Variants in PCDHGA6 observed in about 807,000 individuals in gnomAD.
The protein encoded by PCDHGA6 is protocadherin gamma subfamily A, 6.
A neutral mutation model predicts 60.6 loss-of-function variants in PCDHGA6; 41 were observed. That is an observed-to-expected ratio of 0.68 (90% CI 0.53 to 0.88). The LOEUF (loss-of-function observed/expected upper bound fraction) is 0.88, where lower values mean the gene tolerates loss of function less well. Ranked by LOEUF, PCDHGA6 falls within the 40% of genes least tolerant of loss-of-function variation. The pLI is 0.00. For missense variants in PCDHGA6, 1,312 were observed against 1,203.0 expected (o/e 1.09, Z -1.34); for synonymous variants, 594 against 524.4 (o/e 1.13, Z -1.81).
chr5:141,432,949 CG>C lies in PCDHGA6; in HGVS notation c.2424+56444del, dbSNP rs930064840. 6.2e-7 allele frequency: 1 copy of C among 1,614,066 alleles called. No individual in the cohort carries two copies. Among genetic ancestry groups the C allele is most frequent in the African/African-American group, 1.3e-5 (1 of 74,930 alleles). ...CACGCCTGCTGCAGGCTTCAGGAGG[CG>C]GCTTGACAGGAGCGCCGGCGTCGCA... On this transcript the variant is annotated intron_variant, in intron 1 of 3. Transcript: ENST00000517434. This position sits in a 1 kb window ranked among gnomAD's most constrained non-coding sequence, Gnocchi z 6.0.
rs144695545 is a variant in PCDHGA6, at chr5:141,487,156, C to G, written c.2425-7651C>G. ...CACCACTCTCTACCTCTGTTACTCT[C>G]TTAGTGTCCTTAGAGGAAGACACTC... On this transcript the variant is annotated intron_variant, in intron 1 of 3. Transcript: ENST00000517434. This position sits in a 1 kb window ranked among gnomAD's most constrained non-coding sequence, Gnocchi z 5.0. 105 of 1,613,896 alleles carry G rather than the reference C, an allele frequency of 6.5e-5. No homozygotes were observed. In the African/African-American group the frequency reaches 1.2e-3, roughly 18 times the overall value.
At chr5:141,444,621 G>A (rs1265458898) in intron 1 of PCDHGA6, among the ~76,000 whole-genome samples, 1 of 152,132 alleles carries the variant, frequency 6.6e-6, no homozygotes, top group Non-Finnish European at 1.5e-5. Flanking sequence ...CATGTGGCAT[G>A]ATGCACCAGT....
At chr5:141,404,672 G>T in intron 1 of PCDHGA6, 1 of 1,614,156 alleles carries the variant, frequency 6.2e-7, no homozygotes, top group Non-Finnish European at 8.5e-7. Flanking sequence ...TGGTTCTACT[G>T]GTGTGGAGCT....
intron 1 of PCDHGA6, among the ~76,000 whole-genome samples, chr5:141,481,789 T>TAAAAATAC (rs972511310): frequency 3.3e-5 from 5 of 151,186 alleles, no homozygotes; most frequent in African/African-American, 1.2e-4. Flanking sequence ...CCGTCTCTAC[T>TAAAAATAC]AAAAATACAA....
At chr5:141,421,843 G>C (rs769652818) in intron 1 of PCDHGA6, 1 of 1,613,798 alleles carries the variant, frequency 6.2e-7, no homozygotes, top group Non-Finnish European at 8.5e-7. Context: ...CCGAGAGAAA[G>C]AGGCTGCTCA....
intron 1 of PCDHGA6, among the ~76,000 whole-genome samples, chr5:141,406,328 C>T (rs1235799294): frequency 1.3e-5 from 2 of 152,062 alleles, no homozygotes; most frequent in Non-Finnish European, 2.9e-5. Context: ...ATTCTTACTC[C>T]TACGATCATT....
intron 3 of PCDHGA6, among the ~76,000 whole-genome samples, chr5:141,509,693 G>A (rs72790076): frequency 0.024 from 3,613 of 152,246 alleles, 55 homozygotes; most frequent in East Asian, 0.046. Flanking sequence ...ACAGTGGGAC[G>A]TTGGACTGGA....
rs1414722237 is a variant in PCDHGA6 at position 141,432,748 on chromosome 5, C to T, written c.2424+56241C>T. On this transcript the variant is annotated intron_variant, in intron 1 of 3. Coordinates refer to ENST00000517434, the MANE Select transcript of PCDHGA6 (RefSeq NM_018919.3). The surrounding 1 kb of genome is among the most constrained non-coding windows in gnomAD (Gnocchi z 6.0). ...CCGCCACTGTCACGCTCACCGTGGC[C>T]GTGGCCGACAGCATCCCCCAAGTCC... 1 of 1,614,120 alleles carries T rather than the reference C, an allele frequency of 6.2e-7. No homozygotes were observed. The highest frequency in any genetic ancestry group is 8.5e-7 in the Non-Finnish European group (1 of 1,179,980).
At chr5:141,463,796 G>T (rs139760353) in intron 1 of PCDHGA6, among the ~76,000 whole-genome samples, 3 of 152,114 alleles carry the variant, frequency 2.0e-5, no homozygotes, top group Non-Finnish European at 2.9e-5. Flanking sequence ...TTGAACAAAT[G>T]TCTAAAAGCT....
At chr5:141,408,428 A>C (rs1397543407) in intron 1 of PCDHGA6, 1 of 1,614,076 alleles carries the variant, frequency 6.2e-7, no homozygotes, top group South Asian at 1.1e-5. Flanking sequence ...GCTGCACTTC[A>C]GCGTAGACGC....
In PCDHGA6 at chr5:141,375,887, G is replaced by T. The variant is rs1290311886; in HGVS notation, c.1804G>T (p.Ala602Ser). ...VAVDRDSGQN[A>S]WLSYRLLKAS... ...GGTGGACAGAGACTCGGGCCAGAACGCCTGGCTGTCCTACCGCCTGCTCAA... is the reference window on the plus strand; with the variant it reads ...GGTGGACAGAGACTCGGGCCAGAACTCCTGGCTGTCCTACCGCCTGCTCAA... The change falls in exon 1 of 4, where the codon GCC (alanine) becomes TCC (serine). Residue 602 changes from alanine to serine, a missense_variant. Coordinates refer to ENST00000517434, the MANE Select transcript of PCDHGA6 (RefSeq NM_018919.3). 4 of 1,613,656 alleles carry T rather than the reference G, an allele frequency of 2.5e-6. No homozygotes were observed. Among genetic ancestry groups the T allele is most frequent in the South Asian group, 1.1e-5 (1 of 91,074 alleles).
Position 141,489,407 on chromosome 5 carries a change from T to C in PCDHGA6, c.2425-5400T>C. On this transcript the variant is annotated intron_variant, in intron 1 of 3. Transcript: ENST00000517434. This position sits in a 1 kb window ranked among gnomAD's most constrained non-coding sequence, Gnocchi z 4.5. ...GTTGCTCAGGATCTGGGCTTAAAGA[T>C]GACAGATCTGTTGAGCCGGCGGCTG... 6.2e-7 allele frequency: 1 copy of C among 1,614,140 alleles called. No individual in the cohort carries two copies.
At chr5:141,430,661 G>A in intron 1 of PCDHGA6, 1 of 1,159,744 alleles carries the variant, frequency 8.6e-7, no homozygotes, top group South Asian at 2.1e-5. Context: ...CAACGGAGGA[G>A]CTCTGACTTC....
chr5:141,377,672 C>G (rs529772336), intron 1 of PCDHGA6: 1 of 151,784 alleles, frequency 6.6e-6, no homozygotes, highest in East Asian at 1.9e-4. Context: ...GACGTTCATA[C>G]AAGAGATCTT....
intron 1 of PCDHGA6, among the ~76,000 whole-genome samples, chr5:141,401,895 TC>T (rs2094205697): frequency 6.6e-6 from 1 of 152,224 alleles, no homozygotes; most frequent in Non-Finnish European, 1.5e-5. Context: ...GTGTTCTTTT[TC>T]CCAAATTATT....
chr5:141,506,180 G>T (rs548366782), intron 3 of PCDHGA6, among the ~76,000 whole-genome samples: 44 of 152,294 alleles, frequency 2.9e-4, no homozygotes, highest in Non-Finnish European at 5.7e-4. Context: ...GCTGGGCGTG[G>T]TGGCTCACGC....
At position 141,476,002 on chromosome 5, in the gene PCDHGA6, C is replaced by A; in HGVS notation, c.2425-18805C>A. 1 of 1,247,396 alleles carries A rather than the reference C, an allele frequency of 8.0e-7. No individual in the cohort carries two copies. Among genetic ancestry groups the A allele is most frequent in the Non-Finnish European group, 1.1e-6 (1 of 904,880 alleles). 77.3% of individuals were successfully genotyped at this position (1,247,396 alleles called of 1,614,324 possible). ...AGCCGGCGAGCAAATCAACGGCATC[C>A]AGAAAGCCATGTCGGACTCGGCGCC... On this transcript the variant is annotated intron_variant, in intron 1 of 3. Transcript: ENST00000517434. This position sits in a 1 kb window ranked among gnomAD's most constrained non-coding sequence, Gnocchi z 7.6.
rs1772740075 is a variant in PCDHGA6, at chr5:141,376,485, A to G, written c.2402A>G (p.Lys801Arg). 6.2e-7 allele frequency: 1 copy of G among 1,614,056 alleles called. No individual in the cohort carries two copies. Among genetic ancestry groups the G allele is most frequent in the Non-Finnish European group, 8.5e-7 (1 of 1,180,024 alleles). The stretch of plus-strand genomic sequence containing the variant: ...ATAACTCAGGATTTACTTGAAACGA[A>G]AGGAGAACCCAGGCAACTTCAGGTG... ...LLITQDLLET[K>R]GEPRQLQQAP... Residue 801 changes from lysine (K) to arginine (R), a missense_variant, in exon 1 of 4, where the codon AAA (lysine) becomes AGA (arginine). Transcript: ENST00000517434.
chr5:141,399,617 TGGCCTCTTACGTGTCCATGAGC>T, intron 1 of PCDHGA6: 4 of 1,613,944 alleles, frequency 2.5e-6, no homozygotes. Flanking sequence ...CCTCTGGCAC[TGGCCTCTTACGTGTCCATGAGC>T]GCGCAAAGTG....
Sources: allele counts gnomAD v4.1 joint callset (sites outside exome capture counted in the v4.1 genomes callset), GRCh38; gene constraint gnomAD v4.1.1; non-coding constraint Gnocchi (gnomAD v3.1); transcripts MANE v1.5; gene names NCBI Gene and HGNC (gene_info 2026-07-23, HGNC 2026-07-21).